SLC5A4: variants seen among roughly 807,000 people sequenced by gnomAD.
SLC5A4 encodes solute carrier family 5 member 4, also known as probable glucose sensor protein SLC5A4.
SLC5A4 carries 55 observed loss-of-function variants against 70.3 expected under a neutral mutation model. The ratio of observed to expected loss-of-function variants is 0.78; its 90% CI spans 0.63 to 0.98. SLC5A4 has a LOEUF of 0.98. SLC5A4 is among the 50% of genes least tolerant of loss of function. SLC5A4 has a pLI of 0.00. For synonymous variants in SLC5A4, 268 were observed against 305.7 expected, an observed-to-expected ratio of 0.88 and a Z score of 1.29; for missense variants, 735 against 839.2, an observed-to-expected ratio of 0.88 and a Z score of 1.53.
chr22:32,229,348 G>C lies in SLC5A4; in HGVS notation c.1130-4C>G. The C allele has an allele frequency of 6.2e-7, 1 of 1,613,992 alleles. No individual in the cohort carries two copies. The highest frequency in any genetic ancestry group is 8.5e-7 in the Non-Finnish European group (1 of 1,179,850). ...GAAAGCATCAGGCCTCGCAGTCCTG[G>C]AGCCGGGAAAGGGTACAAGCACTGG... On this transcript the variant is annotated splice_region_variant and splice_polypyrimidine_tract_variant and intron_variant, in intron 10 of 14. Coordinates refer to ENST00000266086, the MANE Select transcript of SLC5A4 (RefSeq NM_014227.3).
At chr22:32,307,676 C>T in the SLC5A4 span, among the ~76,000 whole-genome samples, 2 of 152,324 alleles carry the variant, frequency 1.3e-5, no homozygotes, top group South Asian at 2.1e-4. Flanking sequence ...CAGTGTGGGA[C>T]GTGTTGGTGC....
chr22:32,330,662 T>C, the SLC5A4 span, among the ~76,000 whole-genome samples: 1 of 83,116 alleles, frequency 1.2e-5, no homozygotes, highest in East Asian at 4.1e-4. Context: ...GGGGCTCTGG[T>C]GTGTGTGTTA....
At chr22:32,344,755 A>G in the SLC5A4 span, among the ~76,000 whole-genome samples, 2 of 152,184 alleles carry the variant, frequency 1.3e-5, no homozygotes, top group African/African-American at 4.8e-5. Flanking sequence ...AATACAGTAT[A>G]TTTTACAGTT....
chr22:32,309,825 C>A, the SLC5A4 span, among the ~76,000 whole-genome samples: 283 of 151,782 alleles, frequency 1.9e-3, 4 homozygotes, highest in African/African-American at 6.4e-3. Context: ...TGGGGGTGAC[C>A]TGCGGGAAGG....
rs553070564 is a variant in SLC5A4 at position 32,229,064 on chromosome 22, C to G, written c.1280+130G>C. The G allele has an allele frequency of 3.8e-6, 3 of 785,182 alleles. No homozygotes were observed. In the Admixed American group the frequency reaches 7.8e-5, roughly 20 times the overall value. 48.6% of individuals were successfully genotyped at this position (785,182 alleles called of 1,614,324 possible). ...AAAGTGATCACTTGAATTTGATGTA[C>G]TCCAATGTCTCTTCCCTCTACCCAG... On this transcript the variant is annotated intron_variant, in intron 11 of 14. Coordinates refer to ENST00000266086, the MANE Select transcript of SLC5A4 (RefSeq NM_014227.3).
chr22:32,274,761 G>A, the SLC5A4 span, among the ~76,000 whole-genome samples: 5 of 152,132 alleles, frequency 3.3e-5, no homozygotes, highest in Admixed American at 2.0e-4. Flanking sequence ...AGGTGACACC[G>A]GAAAGAAATA....
the SLC5A4 span, among the ~76,000 whole-genome samples, chr22:32,299,473 A>T: frequency 5.2e-4 from 53 of 102,540 alleles, no homozygotes; most frequent in Non-Finnish European, 6.7e-4. Flanking sequence ...TGCATTCTTC[A>T]TGTAGTTCTC....
chr22:32,262,001 GATCT>G, the SLC5A4 span, among the ~76,000 whole-genome samples: 3 of 152,120 alleles, frequency 2.0e-5, no homozygotes, highest in Non-Finnish European at 4.4e-5. Flanking sequence ...CAAATGACAT[GATCT>G]CCTTTTTTAT....
At chr22:32,263,238 G>A in the SLC5A4 span, among the ~76,000 whole-genome samples, 469 of 151,350 alleles carry the variant, frequency 3.1e-3, no homozygotes, top group Admixed American at 5.6e-3. Context: ...CAAACACTGG[G>A]TTCAAGTGAT....
rs772007706 is a variant in SLC5A4 at position 32,218,468 on chromosome 22, G to C, written c.*46C>G. The stretch of plus-strand genomic sequence containing the variant: ...TTAAAATCACTAAAATTATCCTTTG[G>C]TTCATTATTAAGAATTATTCATTAT... On this transcript the variant is annotated 3_prime_UTR_variant, in exon 15 of 15. Coordinates refer to ENST00000266086, the MANE Select transcript of SLC5A4 (RefSeq NM_014227.3). The C allele has an allele frequency of 4.1e-6, 3 of 736,826 alleles. No individual in the cohort carries two copies. The highest frequency in any genetic ancestry group is 6.4e-6 in the Non-Finnish European group (3 of 470,620). 45.6% of individuals were successfully genotyped at this position (736,826 alleles called of 1,614,324 possible).
intron 4 of SLC5A4, 78 bp downstream of exon 4, chr22:32,248,665 G>A (rs1926971026): frequency 3.0e-6 from 3 of 1,006,088 alleles, no homozygotes; most frequent in Non-Finnish European, 4.8e-6. Flanking sequence ...AATACTCATT[G>A]TCTCAGTGAT....
the SLC5A4 span, among the ~76,000 whole-genome samples, chr22:32,313,005 CATT>C: frequency 3.9e-5 from 6 of 152,058 alleles, no homozygotes; most frequent in African/African-American, 1.2e-4. Flanking sequence ...ATGTCGCTAT[CATT>C]ATAGCTCCAT....
chr22:32,333,815 A>T, the SLC5A4 span, among the ~76,000 whole-genome samples: 1 of 150,174 alleles, frequency 6.7e-6, no homozygotes. Flanking sequence ...ACACAATATC[A>T]CACACACACA....
chr22:32,305,981 G>GCCCAGTTCCCCCTAACACCACCCACA, the SLC5A4 span, among the ~76,000 whole-genome samples: 1 of 151,584 alleles, frequency 6.6e-6, no homozygotes, highest in Non-Finnish European at 1.5e-5. Flanking sequence ...ATGGACTCAC[G>GCCCAGTTCCCCCTAACACCACCCACA]TGCCCAGTTC....
At chr22:32,222,147 A>G (rs886773674) in intron 13 of SLC5A4, among the ~76,000 whole-genome samples, 7 of 152,120 alleles carry the variant, frequency 4.6e-5, no homozygotes, top group Non-Finnish European at 1.0e-4. Context: ...CAAATTTACT[A>G]GAATTTGTAA....
chr22:32,269,917 C>T, the SLC5A4 span: 2 of 545,358 alleles, frequency 3.7e-6, no homozygotes, highest in African/African-American at 1.9e-5. The surrounding 1 kb of genome is among the most constrained non-coding windows in gnomAD (Gnocchi z 4.1). Flanking sequence ...CACCAGCGTC[C>T]TCACCACCAG....
At chr22:32,350,349 TAA>T in the SLC5A4 span, among the ~76,000 whole-genome samples, 2 of 152,162 alleles carry the variant, frequency 1.3e-5, no homozygotes, top group African/African-American at 2.4e-5. Flanking sequence ...AACCATCCTG[TAA>T]AAGTCTGCTA....
intron 5 of SLC5A4, among the ~76,000 whole-genome samples, chr22:32,239,531 T>C (rs1398882099): frequency 1.1e-4 from 1 of 9,162 alleles, no homozygotes; most frequent in South Asian, 3.1e-3. Context: ...TATATATATA[T>C]ATATATATAT....
rs1927417206 is a variant in SLC5A4 at position 32,255,302 on chromosome 22, T to C, written c.28A>G (p.Ile10Val). ...GGAGGTGGCTCTGGGGTCTCAGCTA[T>C]GGTGCTGGGGCTAACCGTACTGGCC... MASTVSPST[I>V]AETPEPPPLS... The change falls in exon 1 of 15, where the codon ATA (isoleucine) becomes GTA (valine). Residue 10 changes from isoleucine (I) to valine (V), a missense_variant. Transcript: ENST00000266086. The C allele has an allele frequency of 6.2e-7, 1 of 1,614,162 alleles. No homozygotes were observed. Among genetic ancestry groups the C allele is most frequent in the South Asian group, 1.1e-5 (1 of 91,072 alleles).
Sources: gnomAD v4.1 joint callset for allele counts (sites outside exome capture counted in the v4.1 genomes callset) on GRCh38, gnomAD v4.1.1 for gene constraint, Gnocchi (gnomAD v3.1) non-coding constraint, MANE v1.5 for transcripts, NCBI Gene and HGNC (gene_info 2026-07-23, HGNC 2026-07-21) for gene names.